The following MACF1 variants were observed in gnomAD, a reference collection of about 807,000 sequenced individuals.
The protein encoded by MACF1 is microtubule-actin cross-linking factor 1.
In MACF1, 193 loss-of-function variants were observed where a neutral mutation model predicts 854.8. The observed-to-expected ratio is 0.23, with a 90% confidence interval of 0.20 to 0.25. The LOEUF is 0.25. MACF1 is among the 10% of genes least tolerant of loss of function. MACF1 has a pLI of 1.00. For missense variants in MACF1, 7,722 were observed against 8,929.1 expected (o/e 0.86, Z 5.45); for synonymous variants, 3,185 against 3,226.7 (o/e 0.99, Z 0.44).
chr1:39,217,858 G>A (rs1254404689), intron 1 of MACF1, among the ~76,000 whole-genome samples: 2 of 149,578 alleles, frequency 1.3e-5, no homozygotes, highest in Non-Finnish European at 3.0e-5. Flanking sequence ...ACTCCAGCCT[G>A]GGTGATAGAG....
chr1:39,471,247 G>A (rs1283410424), intron 97 of MACF1, among the ~76,000 whole-genome samples: 1 of 152,176 alleles, frequency 6.6e-6, no homozygotes, highest in Non-Finnish European at 1.5e-5. Flanking sequence ...GACTAGGATG[G>A]ATTATAATAA....
intron 1 of MACF1, among the ~76,000 whole-genome samples, chr1:39,213,488 C>G (rs192571399): frequency 7.9e-4 from 121 of 152,240 alleles, no homozygotes; most frequent in Non-Finnish European, 1.3e-4. Flanking sequence ...TGTGCCACCA[C>G]GCCCAGCTAA....
At chr1:39,154,003 G>T (rs781255491) in intron 2 of MACF1, among the ~76,000 whole-genome samples, 6 of 152,194 alleles carry the variant, frequency 3.9e-5, no homozygotes, top group African/African-American at 1.4e-4. Flanking sequence ...GTTAGCAGCT[G>T]CTTTGGGATA....
At chr1:39,208,783 C>T (rs1282429723) in intron 1 of MACF1, among the ~76,000 whole-genome samples, 3 of 152,052 alleles carry the variant, frequency 2.0e-5, no homozygotes, top group African/African-American at 7.2e-5. Flanking sequence ...CGCCACCACA[C>T]CCTGCTAATT....
intron 56 of MACF1, among the ~76,000 whole-genome samples, chr1:39,383,291 T>C (rs992798622): frequency 3.3e-5 from 5 of 152,206 alleles, no homozygotes; most frequent in African/African-American, 1.2e-4. Flanking sequence ...CTTCTTTTAG[T>C]TCCTGCATCC....
intron 39 of MACF1, 34 bp downstream of exon 39, chr1:39,340,751 A>G (rs773732832): frequency 1.2e-6 from 2 of 1,612,830 alleles, no homozygotes; most frequent in Non-Finnish European, 1.7e-6. Context: ...AAGGCTCACA[A>G]AGTCTGGGTG....
intron 66 of MACF1, among the ~76,000 whole-genome samples, chr1:39,431,419 T>C (rs1643874116): frequency 6.6e-6 from 1 of 152,214 alleles, no homozygotes; most frequent in Non-Finnish European, 1.5e-5. Flanking sequence ...ATTTGTTCTT[T>C]TGTGTAGCTG....
intron 22 of MACF1, among the ~76,000 whole-genome samples, chr1:39,300,937 G>A (rs1055645386): frequency 2.0e-5 from 3 of 151,980 alleles, no homozygotes; most frequent in African/African-American, 4.8e-5. Flanking sequence ...CAGGAGAATC[G>A]CTTGAGCCGA....
At chr1:39,462,704 G>C (rs1644580018) in intron 93 of MACF1, among the ~76,000 whole-genome samples, 1 of 152,130 alleles carries the variant, frequency 6.6e-6, no homozygotes, top group Non-Finnish European at 1.5e-5. Context: ...AACAGAGCAA[G>C]ACTTGTCTTA....
chr1:39,231,706 A>G (rs562482290), intron 2 of MACF1, among the ~76,000 whole-genome samples: 3 of 149,078 alleles, frequency 2.0e-5, no homozygotes, highest in African/African-American at 7.5e-5. Flanking sequence ...TTTTTTTTTA[A>G]TTTATTAATT....
chr1:39,269,130 G>T, intron 6 of MACF1: 1 of 1,289,820 alleles, frequency 7.8e-7, no homozygotes, highest in Non-Finnish European at 1.0e-6. Flanking sequence ...GACTGTCATT[G>T]CTCACCTGCT....
chr1:39,149,529 A>AAAAAAT (rs896593522), intron 2 of MACF1, among the ~76,000 whole-genome samples: 5 of 152,040 alleles, frequency 3.3e-5, no homozygotes, highest in African/African-American at 4.8e-5. Flanking sequence ...CTCCGTCTCA[A>AAAAAAT]AAAAATAAAA....
At chr1:39,410,211 G>A (rs1642924165) in intron 58 of MACF1, 1 of 1,324,082 alleles carries the variant, frequency 7.6e-7, no homozygotes, top group Non-Finnish European at 1.0e-6. Context: ...GCATTTGGGG[G>A]GAACCTGTGA....
chr1:39,136,163 T>G (rs1643162461), intron 2 of MACF1, among the ~76,000 whole-genome samples: 1 of 152,182 alleles, frequency 6.6e-6, no homozygotes, highest in Non-Finnish European at 1.5e-5. Context: ...CCAGAATGCA[T>G]GCATTGGAAA....
chr1:39,239,732 T>A (rs1022011257), intron 2 of MACF1, among the ~76,000 whole-genome samples: 1 of 152,174 alleles, frequency 6.6e-6, no homozygotes, highest in African/African-American at 2.4e-5. Flanking sequence ...CACAGGTTAG[T>A]AGTTAGAAAG....
chr1:39,222,458 A>T (rs1644664757), intron 1 of MACF1, among the ~76,000 whole-genome samples: 1 of 151,412 alleles, frequency 6.6e-6, no homozygotes, highest in Admixed American at 6.6e-5. Flanking sequence ...GAATCCTTTG[A>T]CTCCTTTTTG....
intron 24 of MACF1, 78 bp downstream of exon 24, chr1:39,309,774 A>G: frequency 6.6e-7 from 1 of 1,505,376 alleles, no homozygotes; most frequent in African/African-American, 1.4e-5. Flanking sequence ...CATTACTGTG[A>G]GACTTTTCCC....
intron 2 of MACF1, among the ~76,000 whole-genome samples, chr1:39,126,294 C>G (rs916649284): frequency 6.6e-6 from 1 of 152,182 alleles, no homozygotes; most frequent in Non-Finnish European, 1.5e-5. Flanking sequence ...AAATGATGTT[C>G]TCTCACCGCC....
intron 2 of MACF1, among the ~76,000 whole-genome samples, chr1:39,185,980 G>A (rs622621): frequency 0.95 from 145,049 of 152,176 alleles, 69,206 homozygotes; most frequent in East Asian, 1. Context: ...CACCTGACTC[G>A]TTGTCAGATG....
Sources: allele counts gnomAD v4.1 joint callset (sites outside exome capture counted in the v4.1 genomes callset), GRCh38; gene constraint gnomAD v4.1.1; transcripts MANE v1.5; gene names NCBI Gene and HGNC (gene_info 2026-07-23, HGNC 2026-07-21).